Variants in TDRD5 observed in about 807,000 individuals in gnomAD.
TDRD5 encodes the protein tudor domain containing 5.
Under a neutral mutation model 120.6 loss-of-function variants are expected in TDRD5, and 41 were observed. The ratio of observed to expected loss-of-function variants is 0.34; its 90% confidence interval spans 0.26 to 0.44. The LOEUF is 0.44. Ranked by LOEUF, TDRD5 falls within the 20% of genes least tolerant of loss-of-function variation. TDRD5 has a pLI of 1.00. For missense variants in TDRD5, 1,006 were observed against 1,221.2 expected (o/e 0.82, Z 2.63); for synonymous variants, 430 against 433.7 (o/e 0.99, Z 0.11).
chr1:179,677,865 T>A (rs1188566709), intron 17 of TDRD5, among the ~76,000 whole-genome samples: 2 of 152,056 alleles, frequency 1.3e-5, no homozygotes, highest in Admixed American at 1.3e-4. Flanking sequence ...CAAAAGTACA[T>A]CAGCTGTGGC....
At chr1:179,660,382 G>T (rs943396751) in intron 14 of TDRD5, among the ~76,000 whole-genome samples, 1 of 151,700 alleles carries the variant, frequency 6.6e-6, no homozygotes, top group African/African-American at 2.4e-5. Context: ...AGCACACCTG[G>T]CTAATTTTTT....
chr1:179,678,199 G>C (rs7526758), intron 17 of TDRD5, among the ~76,000 whole-genome samples: 51,250 of 152,080 alleles, frequency 0.34, 8,879 homozygotes, highest in Admixed American at 0.42. Context: ...CGGCAGTCAC[G>C]GGCCTCACTC....
rs1371566823 is a variant in TDRD5, at chr1:179,591,866, G to T, written c.-274G>T. The T allele has an allele frequency of 6.6e-6, 1 of 152,374 alleles. No homozygotes were observed. The highest frequency in any genetic ancestry group is 1.5e-5 in the Non-Finnish European group (1 of 68,152). 9.4% of individuals were successfully genotyped at this position (152,374 alleles called of 1,614,324 possible). A position where few individuals can be genotyped will look rare whatever the true frequency, so the allele number is the denominator to read the frequency against. The stretch of plus-strand genomic sequence containing the variant: ...GGGCCGCCGTCGCAGCTACCTTCCT[G>T]CGCCGATTCGGAGAGGGCCCCCTAA... On this transcript the variant is annotated 5_prime_UTR_variant, in exon 1 of 18. Transcript: ENST00000444136.
rs537417838 is a variant in TDRD5 at position 179,640,111 on chromosome 1, T to G, written c.1733+60T>G. The G allele has an allele frequency of 1.7e-5, 26 of 1,545,710 alleles. No individual in the cohort carries two copies. In the African/African-American group the frequency reaches 3.4e-4, roughly 20 times the overall value. ...AAATTTTGAATCACAGTGTTGAAGC[T>G]CTGTGGGGTTGGGATCTCTCTTTTC... On this transcript the variant is annotated intron_variant, in intron 10 of 17. Transcript: ENST00000444136.
At chr1:179,618,005 C>T (rs1432607592) in intron 4 of TDRD5, among the ~76,000 whole-genome samples, 4 of 152,102 alleles carry the variant, frequency 2.6e-5, no homozygotes, top group African/African-American at 7.2e-5. Flanking sequence ...CTCCTCTTTC[C>T]TTTTACTTTC....
At chr1:179,690,092 A>G (rs61025862) in intron 17 of TDRD5, among the ~76,000 whole-genome samples, 4,900 of 152,236 alleles carry the variant, frequency 0.032, 265 homozygotes, top group African/African-American at 0.11. Flanking sequence ...CCCCAGTGAG[A>G]TGAACCCAGC....
intron 17 of TDRD5, among the ~76,000 whole-genome samples, chr1:179,687,988 T>C (rs1464717603): frequency 6.6e-6 from 1 of 152,082 alleles, no homozygotes; most frequent in African/African-American, 2.4e-5. Flanking sequence ...TGAGTCTTTA[T>C]TCTTTATCCA....
Position 179,640,057 on chromosome 1 carries a change from T to G in TDRD5, c.1733+6T>G. Reference sequence around the variant, plus strand: ...TCCTCCCTGAGGTTCCTCAAGTGAGTTGAATTGAATTAGAACAATGGATGA... The same window carrying G: ...TCCTCCCTGAGGTTCCTCAAGTGAGGTGAATTGAATTAGAACAATGGATGA... On this transcript the variant is annotated splice_donor_region_variant and intron_variant, in intron 10 of 17. Transcript: ENST00000444136. 6.2e-7 allele frequency: 1 copy of G among 1,613,296 alleles called. No homozygotes were observed. The highest frequency in any genetic ancestry group is 8.5e-7 in the Non-Finnish European group (1 of 1,179,374).
At chr1:179,599,095 T>C (rs945645375) in intron 4 of TDRD5, among the ~76,000 whole-genome samples, 1 of 152,138 alleles carries the variant, frequency 6.6e-6, no homozygotes, top group South Asian at 2.1e-4. Flanking sequence ...TGTCATGTTC[T>C]TTCTCCATAC....
chr1:179,592,565 T>G (rs945491361), intron 1 of TDRD5, 37 bp from the exon 2 acceptor site: 5 of 1,538,412 alleles, frequency 3.3e-6, no homozygotes, highest in Non-Finnish European at 4.5e-6. Context: ...TTTTCGTGGG[T>G]TTGCCCCCTT....
chr1:179,658,009 C>G (rs114400953), intron 14 of TDRD5, among the ~76,000 whole-genome samples: 1 of 152,148 alleles, frequency 6.6e-6, no homozygotes, highest in Admixed American at 6.5e-5. Flanking sequence ...CCCAATCCCT[C>G]CACCTCCTAG....
intron 6 of TDRD5, among the ~76,000 whole-genome samples, chr1:179,624,424 C>G (rs1211006725): frequency 1.3e-5 from 2 of 151,980 alleles, no homozygotes; most frequent in African/African-American, 2.4e-5. Context: ...ATTGCAAGTT[C>G]TAACCAATGT....
intron 4 of TDRD5, among the ~76,000 whole-genome samples, chr1:179,598,229 G>A (rs1188984683): frequency 6.6e-6 from 1 of 152,182 alleles, no homozygotes; most frequent in Non-Finnish European, 1.5e-5. Flanking sequence ...TAATCTTGTG[G>A]GACCACCATC....
chr1:179,651,696 G>A (rs1334268188), intron 12 of TDRD5, among the ~76,000 whole-genome samples: 2 of 152,160 alleles, frequency 1.3e-5, no homozygotes, highest in Non-Finnish European at 1.5e-5. Flanking sequence ...GGTGGATCAC[G>A]AGGTCAGGAG....
intron 11 of TDRD5, among the ~76,000 whole-genome samples, chr1:179,644,395 C>T (rs1259473605): frequency 1.3e-5 from 2 of 152,038 alleles, no homozygotes; most frequent in East Asian, 1.9e-4. Flanking sequence ...GCAGTTTAAG[C>T]TGTAATAACT....
intron 4 of TDRD5, among the ~76,000 whole-genome samples, chr1:179,598,178 G>T (rs1376790363): frequency 6.6e-6 from 1 of 152,162 alleles, no homozygotes; most frequent in Non-Finnish European, 1.5e-5. Context: ...GGGTATTTGT[G>T]TATCTAAACA....
chr1:179,616,760 C>G (rs764446088), intron 4 of TDRD5, among the ~76,000 whole-genome samples: 2 of 152,120 alleles, frequency 1.3e-5, no homozygotes, highest in African/African-American at 2.4e-5. Flanking sequence ...GCAGAATTCT[C>G]TCCATCCTGC....
chr1:179,593,976 T>C, intron 3 of TDRD5, 109 bp downstream of exon 3: 1 of 1,394,716 alleles, frequency 7.2e-7, no homozygotes, highest in Non-Finnish European at 9.6e-7. Context: ...ACTTGCCAGC[T>C]GAGTGGTCTC....
At chr1:179,659,100 G>C (rs965922644) in intron 14 of TDRD5, among the ~76,000 whole-genome samples, 2 of 152,022 alleles carry the variant, frequency 1.3e-5, no homozygotes, top group Non-Finnish European at 2.9e-5. Flanking sequence ...GTATAGTATG[G>C]TCTTAGAACA....
Sources: allele counts gnomAD v4.1 joint callset (sites outside exome capture counted in the v4.1 genomes callset), GRCh38; gene constraint gnomAD v4.1.1; transcripts MANE v1.5; gene names NCBI Gene and HGNC (gene_info 2026-07-23, HGNC 2026-07-21).